VWA2: variants seen among roughly 807,000 people sequenced by gnomAD.
VWA2 encodes the protein von Willebrand factor A domain containing 2, also known as von Willebrand factor A domain-containing protein 2.
VWA2 carries 73 observed loss-of-function variants against 70.4 expected under a neutral mutation model. The observed-to-expected ratio is 1.04, with a 90% CI of 0.86 to 1.26. The LOEUF (loss-of-function observed/expected upper bound fraction) is 1.26. Ranked by LOEUF, VWA2 falls within the 50% of genes most tolerant of loss-of-function variation. The pLI is 0.00. For synonymous variants in VWA2, 407 were observed against 423.3 expected (o/e 0.96, Z 0.47); for missense variants, 1,011 against 998.5 (o/e 1.01, Z -0.17).
chr10:114,253,103 A>C (rs937601799), intron 2 of VWA2, among the ~76,000 whole-genome samples: 5 of 146,318 alleles, frequency 3.4e-5, no homozygotes, highest in African/African-American at 1.3e-4. Context: ...GGGATCCCTT[A>C]TTGTCTTCCA....
At chr10:114,249,011 T>C (rs999577488) in intron 2 of VWA2, among the ~76,000 whole-genome samples, 8 of 152,114 alleles carry the variant, frequency 5.3e-5, no homozygotes, top group Non-Finnish European at 1.2e-4. Context: ...CTATTTCTTT[T>C]TTTATTTTTA....
chr10:114,290,361 G>C lies in VWA2; in HGVS notation c.2244G>C (p.Glu748Asp). Residue 748 changes from glutamate (E) to aspartate (D), a missense_variant, in exon 13 of 14, where the codon GAG becomes GAC. Coordinates refer to ENST00000392982, the MANE Select transcript of VWA2 (RefSeq NM_001272046.2). ...ATGGCTGGGAGGGCCCCCACTGCGA[G>C]AACCGTGAGTGGAGCTCTTGCTCTG... Reference protein sequence around the residue: ...CRDGWEGPHCENRFLRRP With the variant: ...CRDGWEGPHCDNRFLRRP 1 of 1,550,526 alleles carries C rather than the reference G, an allele frequency of 6.4e-7. No individual in the cohort carries two copies. The highest frequency in any genetic ancestry group is 8.7e-7 in the Non-Finnish European group (1 of 1,146,946).
Position 114,284,812 on chromosome 10 carries a change from C to T in VWA2, c.890-51C>T, listed in dbSNP as rs372703953. ...CACCCACACCTCTGGCCAGTCCTCTCCACTCCTCTGTGCTGCGGTGCTTAG... is the reference window on the plus strand; with the variant it reads ...CACCCACACCTCTGGCCAGTCCTCTTCACTCCTCTGTGCTGCGGTGCTTAG... On this transcript the variant is annotated intron_variant, in intron 9 of 13. Transcript: ENST00000392982. The T allele has an allele frequency of 2.0e-6, 3 of 1,533,116 alleles. No individual in the cohort carries two copies. In the Admixed American group the frequency reaches 5.9e-5, roughly 30 times the overall value. 95.0% of individuals were successfully genotyped at this position (1,533,116 alleles called of 1,614,324 possible).
At chr10:114,282,885 A>C (rs532052874) in intron 9 of VWA2, among the ~76,000 whole-genome samples, 15 of 152,290 alleles carry the variant, frequency 9.8e-5, no homozygotes, top group South Asian at 2.1e-4. Flanking sequence ...TCAGGGCAAG[A>C]TATCTGAGTG....
At chr10:114,286,618 G>A (rs1173328267) in intron 11 of VWA2, 107 bp downstream of exon 11, 4 of 945,656 alleles carry the variant, frequency 4.2e-6, no homozygotes, top group Non-Finnish European at 4.6e-6. Flanking sequence ...TCTAGGGGCT[G>A]AAACCACAGC....
intron 1 of VWA2, among the ~76,000 whole-genome samples, chr10:114,244,763 C>T (rs916922948): frequency 6.6e-6 from 1 of 152,254 alleles, no homozygotes; most frequent in African/African-American, 2.4e-5. Flanking sequence ...GCAAACAATA[C>T]TTCAACATCA....
At chr10:114,280,820 C>G (rs898498016) in intron 8 of VWA2, 1 of 152,178 alleles carries the variant, frequency 6.6e-6, no homozygotes, top group Admixed American at 6.5e-5. Context: ...CTTGGTGCAG[C>G]CTCAAACTTC....
chr10:114,248,887 T>C (rs773860749), intron 2 of VWA2, 122 bp downstream of exon 2: 28 of 921,820 alleles, frequency 3.0e-5, no homozygotes, highest in East Asian at 7.3e-5. Flanking sequence ...CTCCCCTCCA[T>C]GGCCACCTCC....
chr10:114,258,433 A>T (rs766795854), intron 4 of VWA2, among the ~76,000 whole-genome samples: 1 of 152,176 alleles, frequency 6.6e-6, no homozygotes, highest in Non-Finnish European at 1.5e-5. Context: ...GGGCAGAGTG[A>T]TTATGGCTGG....
At chr10:114,246,080 A>T in intron 1 of VWA2, 1 of 341,684 alleles carries the variant, frequency 2.9e-6, no homozygotes, top group Non-Finnish European at 6.0e-6. Flanking sequence ...CCCCCCGCCC[A>T]AGATGATTGG....
chr10:114,268,544 C>T (rs564629883), intron 5 of VWA2, among the ~76,000 whole-genome samples: 3 of 152,218 alleles, frequency 2.0e-5, no homozygotes, highest in East Asian at 1.9e-4. Flanking sequence ...GCCTGGCACA[C>T]GCTAAGTGCC....
chr10:114,254,803 G>A (rs1011854768), intron 3 of VWA2, 112 bp from the exon 4 acceptor site: 9 of 1,438,458 alleles, frequency 6.3e-6, no homozygotes, highest in Non-Finnish European at 8.6e-6. Flanking sequence ...CCCCTTTCAT[G>A]CTAAGAGGGA....
At chr10:114,244,924 A>G (rs138053150) in intron 1 of VWA2, among the ~76,000 whole-genome samples, 336 of 152,290 alleles carry the variant, frequency 2.2e-3, no homozygotes, top group African/African-American at 7.6e-3. Flanking sequence ...CTCCCCTACT[A>G]TACATCAGGC....
At chr10:114,261,051 T>C (rs2037434338) in intron 4 of VWA2, 135 bp from the exon 5 acceptor site, 1 of 623,560 alleles carries the variant, frequency 1.6e-6, no homozygotes, top group Non-Finnish European at 2.8e-6. Flanking sequence ...CTAGGGAGAC[T>C]GGAGAAAGCT....
chr10:114,278,950 G>A (rs1589767112), intron 8 of VWA2, 99 bp downstream of exon 8: 2 of 1,544,394 alleles, frequency 1.3e-6, no homozygotes, highest in African/African-American at 2.7e-5. Context: ...CATGGAGATT[G>A]TGACAGGGAT....
chr10:114,267,885 A>G (rs2037608711), intron 5 of VWA2, among the ~76,000 whole-genome samples: 1 of 152,156 alleles, frequency 6.6e-6, no homozygotes, highest in Non-Finnish European at 1.5e-5. Flanking sequence ...TTGGACTGTC[A>G]GGGAATAGGA....
At chr10:114,275,564 G>GTCT (rs2037821767) in intron 6 of VWA2, among the ~76,000 whole-genome samples, 5 of 151,860 alleles carry the variant, frequency 3.3e-5, no homozygotes, top group African/African-American at 2.4e-5. Context: ...CTCTCAAACT[G>GTCT]GACCAGTATT....
chr10:114,252,246 G>A (rs900685751), intron 2 of VWA2, among the ~76,000 whole-genome samples: 5 of 152,088 alleles, frequency 3.3e-5, no homozygotes, highest in East Asian at 3.9e-4. Flanking sequence ...AAACAGCAGC[G>A]GCAGACTGTG....
intron 4 of VWA2, among the ~76,000 whole-genome samples, chr10:114,256,649 G>A (rs2037334454): frequency 6.6e-6 from 1 of 152,138 alleles, no homozygotes; most frequent in South Asian, 2.1e-4. Flanking sequence ...GGTGGGTCAC[G>A]CCTGTAATCC....
Sources: gnomAD v4.1 joint callset for allele counts (sites outside exome capture counted in the v4.1 genomes callset) on GRCh38, gnomAD v4.1.1 for gene constraint, MANE v1.5 for transcripts, NCBI Gene and HGNC (gene_info 2026-07-23, HGNC 2026-07-21) for gene names.